The following STK33 variants were observed in gnomAD, a reference collection of about 807,000 sequenced individuals.
STK33 encodes serine/threonine-protein kinase 33.
In STK33, 52 loss-of-function variants were observed where a neutral mutation model predicts 58.0. The observed-to-expected ratio is 0.90, with a 90% CI of 0.72 to 1.13. STK33 has a LOEUF of 1.13. STK33 is among the 50% of genes most tolerant of loss of function. The probability of loss-of-function intolerance (pLI) is 0.00; values close to 1 mark genes in which losing one functional copy is unlikely to be tolerated. For missense variants in STK33, 630 were observed against 604.2 expected (o/e 1.04, Z -0.45); for synonymous variants, 215 against 200.1 (o/e 1.07, Z -0.63).
At chr11:8,400,647 G>T (rs1181284039) in intron 15 of STK33, among the ~76,000 whole-genome samples, 1 of 152,128 alleles carries the variant, frequency 6.6e-6, no homozygotes, top group Non-Finnish European at 1.5e-5. Flanking sequence ...AGGAAATAAA[G>T]GGTATTCAAT....
rs532280941 is a variant in STK33, at chr11:8,541,584, T to C, written c.-466+52499A>G. Among the ~76,000 whole-genome samples the C allele has an allele frequency of 3.3e-5, 5 of 152,322 alleles. No homozygotes were observed. In the East Asian group the frequency reaches 7.7e-4, roughly 23 times the overall value. On this transcript the variant is annotated intron_variant, in intron 1 of 15. Transcript: ENST00000687296. ...TAGCTTTTCCCCCAACTCCAGTGCA[T>C]AAAGTATGTTCCATACATATCTTTA...
chr11:8,498,647 C>T (rs1392660344), intron 1 of STK33, among the ~76,000 whole-genome samples: 1 of 152,040 alleles, frequency 6.6e-6, no homozygotes, highest in Non-Finnish European at 1.5e-5. Context: ...GCAAAAAGAA[C>T]AAAGCTGGAG....
chr11:8,354,887 G>A, the STK33 span, among the ~76,000 whole-genome samples: 1 of 152,338 alleles, frequency 6.6e-6, no homozygotes. Flanking sequence ...GTAATTGGAA[G>A]CCCAGCCTGG....
At chr11:8,392,963 A>C (rs1182051028) in intron 15 of STK33, among the ~76,000 whole-genome samples, 1 of 152,234 alleles carries the variant, frequency 6.6e-6, no homozygotes, top group Non-Finnish European at 1.5e-5. Flanking sequence ...TGTCGTCCAA[A>C]ATGTAAGTAA....
chr11:8,574,078 T>C (rs1206394064), intron 1 of STK33, among the ~76,000 whole-genome samples: 1 of 152,142 alleles, frequency 6.6e-6, no homozygotes, highest in Admixed American at 6.5e-5. Flanking sequence ...GTGTTGCCAG[T>C]CCCTCAGTGG....
chr11:8,372,450 C>G, the STK33 span, among the ~76,000 whole-genome samples: 1 of 152,184 alleles, frequency 6.6e-6, no homozygotes. Flanking sequence ...CTCACCCCAC[C>G]TGGGGTCCAA....
intron 1 of STK33, among the ~76,000 whole-genome samples, chr11:8,530,657 T>A (rs549459180): frequency 6.6e-6 from 1 of 152,038 alleles, no homozygotes; most frequent in African/African-American, 2.4e-5. Flanking sequence ...AAAGGAAACC[T>A]TATAGCTTCA....
In STK33 at chr11:8,455,216, C is replaced by T. The variant is rs77206742; in HGVS notation, c.698-384G>A. Among the ~76,000 whole-genome samples, 435 of 152,308 alleles carry T rather than the reference C, an allele frequency of 2.9e-3. 1 individual carries two copies. The highest frequency in any genetic ancestry group is 9.7e-3 in the African/African-American group (404 of 41,564). ...CTTCAAATACAGGATTACTTCTTTA[C>T]TTCTATGCATATGTTACTGTCAGCA... On this transcript the variant is annotated intron_variant, in intron 9 of 15. Coordinates refer to ENST00000687296, the MANE Select transcript of STK33 (RefSeq NM_001352389.2).
chr11:8,542,958 G>A (rs939600424), intron 1 of STK33, among the ~76,000 whole-genome samples: 3 of 152,012 alleles, frequency 2.0e-5, no homozygotes, highest in African/African-American at 4.8e-5. Context: ...CAATCCACAC[G>A]CCTCAGCCTC....
chr11:8,555,955 G>C (rs1354400257), intron 1 of STK33, among the ~76,000 whole-genome samples: 2 of 152,214 alleles, frequency 1.3e-5, no homozygotes, highest in African/African-American at 4.8e-5. Context: ...AGGGTGATCA[G>C]AGAAGACACC....
chr11:8,581,537 T>G (rs2030259377), intron 1 of STK33, among the ~76,000 whole-genome samples: 1 of 152,108 alleles, frequency 6.6e-6, no homozygotes, highest in African/African-American at 2.4e-5. Flanking sequence ...TGCACTGAGC[T>G]AAGACTCATC....
chr11:8,450,268 A>T (rs752799618), intron 11 of STK33, among the ~76,000 whole-genome samples: 7 of 152,174 alleles, frequency 4.6e-5, no homozygotes, highest in Admixed American at 6.5e-5. Context: ...GACATGGACG[A>T]AGCTGAAAAC....
intron 1 of STK33, among the ~76,000 whole-genome samples, chr11:8,505,209 G>C (rs1255259754): frequency 1.3e-5 from 2 of 152,154 alleles, no homozygotes; most frequent in Non-Finnish European, 2.9e-5. Flanking sequence ...TTAGCATCCT[G>C]ATTTGCATCT....
chr11:8,570,243 A>G (rs1488045345), intron 1 of STK33, among the ~76,000 whole-genome samples: 1 of 152,216 alleles, frequency 6.6e-6, no homozygotes, highest in Non-Finnish European at 1.5e-5. Context: ...GAAAGATTAA[A>G]GTTTAAAAGA....
chr11:8,424,390 G>T (rs1198639267), intron 14 of STK33, among the ~76,000 whole-genome samples: 1 of 149,640 alleles, frequency 6.7e-6, no homozygotes, highest in Non-Finnish European at 1.5e-5. Context: ...GTCTATCATT[G>T]TTGGACATCT....
chr11:8,466,005 G>T (rs915626211), intron 6 of STK33: 1 of 152,114 alleles, frequency 6.6e-6, no homozygotes, highest in African/African-American at 2.4e-5. Context: ...ATCAGATCTC[G>T]TGAGACCCAT....
chr11:8,484,299 A>T (rs1950052738), intron 1 of STK33, among the ~76,000 whole-genome samples: 1 of 152,214 alleles, frequency 6.6e-6, no homozygotes, highest in Non-Finnish European at 1.5e-5. Context: ...TAATAAATGG[A>T]GGCTTTATTA....
intron 11 of STK33, among the ~76,000 whole-genome samples, chr11:8,443,059 A>G (rs753231932): frequency 6.6e-6 from 1 of 152,202 alleles, no homozygotes; most frequent in Non-Finnish European, 1.5e-5. Flanking sequence ...GCATTTGTCA[A>G]AACTTAAAAT....
At chr11:8,402,952 T>C (rs1362220680) in intron 15 of STK33, among the ~76,000 whole-genome samples, 3 of 152,186 alleles carry the variant, frequency 2.0e-5, no homozygotes, top group African/African-American at 4.8e-5. Context: ...TATAGTTTTG[T>C]AAGTAATAGA....
Sources: gnomAD v4.1 joint callset for allele counts (sites outside exome capture counted in the v4.1 genomes callset) on GRCh38, gnomAD v4.1.1 for gene constraint, MANE v1.5 for transcripts, NCBI Gene and HGNC (gene_info 2026-07-23, HGNC 2026-07-21) for gene names.